The following SLIT3 variants were observed in gnomAD, a reference collection of about 807,000 sequenced individuals.
The protein encoded by SLIT3 is slit homolog 3 protein.
In SLIT3, 68 loss-of-function variants were observed where a neutral mutation model predicts 184.0. The observed-to-expected ratio is 0.37, with a 90% CI of 0.30 to 0.45. SLIT3 has a LOEUF of 0.45. SLIT3 is among the 20% of genes least tolerant of loss of function. The pLI is 1.00. For synonymous variants in SLIT3, 831 were observed against 828.6 expected, an observed-to-expected ratio of 1.00 and a Z score of -0.05; for missense variants, 1,707 against 2,026.0, an observed-to-expected ratio of 0.84 and a Z score of 3.02.
At chr5:169,214,931 C>T (rs146725995) in intron 3 of SLIT3, among the ~76,000 whole-genome samples, 68 of 152,216 alleles carry the variant, frequency 4.5e-4, no homozygotes, top group African/African-American at 1.4e-3. Context: ...ACTGTATGGC[C>T]GTTCCCCTGG....
At chr5:168,802,993 A>G (rs1756823184) in intron 9 of SLIT3, among the ~76,000 whole-genome samples, 1 of 151,092 alleles carries the variant, frequency 6.6e-6, no homozygotes, top group African/African-American at 2.4e-5. Flanking sequence ...TGGGATCCAC[A>G]GTCTATACTC....
At chr5:168,764,375 T>C (rs1755260225) in intron 14 of SLIT3, among the ~76,000 whole-genome samples, 1 of 152,204 alleles carries the variant, frequency 6.6e-6, no homozygotes, top group African/African-American at 2.4e-5. Context: ...ACGAGGAAAC[T>C]GAGGCCCACA....
chr5:168,707,265 C>T (rs1762401128), intron 26 of SLIT3: 1 of 152,300 alleles, frequency 6.6e-6, no homozygotes, highest in Non-Finnish European at 1.5e-5. Flanking sequence ...GGTGTTTGAA[C>T]AGGTGAGTAA....
intron 4 of SLIT3, among the ~76,000 whole-genome samples, chr5:168,927,932 C>T (rs1231077402): frequency 1.3e-5 from 2 of 152,200 alleles, no homozygotes; most frequent in East Asian, 3.8e-4. Context: ...TCTCAGCTGC[C>T]CTAGCAGGAT....
chr5:169,118,945 C>T lies in SLIT3; in HGVS notation c.413+74534G>A, dbSNP rs554707380. Among the ~76,000 whole-genome samples the T allele has an allele frequency of 2.5e-3, 376 of 152,212 alleles. 1 individual carries two copies. The highest frequency in any genetic ancestry group is 8.7e-3 in the African/African-American group (362 of 41,546). On this transcript the variant is annotated intron_variant, in intron 4 of 35. Transcript: ENST00000519560. ...TCATTTTATAAACTACCATTTATGACCACTTATTGTGTGCCAGACACTATG... is the reference window on the plus strand; with the variant it reads ...TCATTTTATAAACTACCATTTATGATCACTTATTGTGTGCCAGACACTATG...
At chr5:168,825,036 T>A (rs1346871981) in intron 6 of SLIT3, among the ~76,000 whole-genome samples, 1 of 152,200 alleles carries the variant, frequency 6.6e-6, no homozygotes, top group Non-Finnish European at 1.5e-5. Context: ...CCGAATTGTG[T>A]GGCCTTGGGC....
intron 23 of SLIT3, among the ~76,000 whole-genome samples, chr5:168,715,251 T>A (rs1278415185): frequency 6.6e-6 from 1 of 152,270 alleles, no homozygotes; most frequent in Non-Finnish European, 1.5e-5. Context: ...TATTTTCATC[T>A]CTAAAATGGA....
intron 4 of SLIT3, among the ~76,000 whole-genome samples, chr5:168,948,544 A>C (rs1236060915): frequency 6.6e-6 from 1 of 152,144 alleles, no homozygotes; most frequent in Non-Finnish European, 1.5e-5. Flanking sequence ...TAAGTTGTGG[A>C]ATTTTCCCTT....
At chr5:168,716,190 T>C (rs1580996966) in intron 23 of SLIT3, among the ~76,000 whole-genome samples, 1 of 152,154 alleles carries the variant, frequency 6.6e-6, no homozygotes, top group East Asian at 1.9e-4. Context: ...TTGGCCAGGA[T>C]AGTCTCGATC....
chr5:168,996,055 A>G (rs1286977165), intron 4 of SLIT3, among the ~76,000 whole-genome samples: 1 of 152,194 alleles, frequency 6.6e-6, no homozygotes, highest in Admixed American at 6.5e-5. Flanking sequence ...GATATCCACC[A>G]TAGCACTTAG....
chr5:169,214,590 G>A (rs1317901440), intron 3 of SLIT3, among the ~76,000 whole-genome samples: 3 of 152,294 alleles, frequency 2.0e-5, no homozygotes, highest in Middle Eastern at 3.4e-3. Flanking sequence ...TGGTGGAAGT[G>A]GGTGGAGTTC....
At chr5:169,021,765 C>A (rs938911234) in intron 4 of SLIT3, among the ~76,000 whole-genome samples, 18 of 152,174 alleles carry the variant, frequency 1.2e-4, no homozygotes, top group Non-Finnish European at 2.1e-4. Context: ...GACCAATTGT[C>A]CCAGGATAGC....
intron 4 of SLIT3, among the ~76,000 whole-genome samples, chr5:169,127,092 C>T (rs1261747233): frequency 6.6e-6 from 1 of 152,164 alleles, no homozygotes; most frequent in Non-Finnish European, 1.5e-5. Flanking sequence ...CTTCTTCCAT[C>T]CCTACAAGGA....
At chr5:168,897,646 G>GCACACA in intron 4 of SLIT3, among the ~76,000 whole-genome samples, 39,337 of 105,090 alleles carry the variant, frequency 0.37, 6,398 homozygotes, top group South Asian at 0.51. Flanking sequence ...ACAGGTGCAC[G>GCACACA]TACACACACA....
At chr5:168,867,235 C>A (rs150737057) in intron 5 of SLIT3, among the ~76,000 whole-genome samples, 1 of 152,246 alleles carries the variant, frequency 6.6e-6, no homozygotes, top group African/African-American at 2.4e-5. Flanking sequence ...ATTACTTTAC[C>A]ATTATGACTT....
chr5:169,053,314 T>C (rs567526782), intron 4 of SLIT3, among the ~76,000 whole-genome samples: 3 of 152,336 alleles, frequency 2.0e-5, no homozygotes, highest in South Asian at 4.1e-4. Context: ...TTTTAAGACA[T>C]GAATTGAGTT....
intron 12 of SLIT3, among the ~76,000 whole-genome samples, chr5:168,777,089 ACACACACACACACACACC>A (rs1209861960): frequency 2.9e-4 from 22 of 75,986 alleles, no homozygotes; most frequent in African/African-American, 9.1e-4. Flanking sequence ...ACACACACAC[ACACACACACACACACACC>A]CCCCATACCA....
chr5:169,287,662 G>C (rs1355912026), intron 1 of SLIT3, among the ~76,000 whole-genome samples: 3 of 152,286 alleles, frequency 2.0e-5, no homozygotes, highest in South Asian at 2.1e-4. Context: ...CAACAAGAGG[G>C]GGAGGAACAG....
rs889541423 is a variant in SLIT3 at position 168,662,310 on chromosome 5, A to T, written c.*4144T>A. On this transcript the variant is annotated 3_prime_UTR_variant, in exon 36 of 36. Transcript: ENST00000519560. ...TCTGAGGGGCAGGTCACTTGTTGCTATGGGCTTCTGCTCCCAGCAAAGGCA... is the reference window on the plus strand; with the variant it reads ...TCTGAGGGGCAGGTCACTTGTTGCTTTGGGCTTCTGCTCCCAGCAAAGGCA... 6.6e-6 allele frequency: 1 copy of T among 152,154 alleles called. No homozygotes were observed. Among genetic ancestry groups the T allele is most frequent in the Non-Finnish European group, 1.5e-5 (1 of 68,056 alleles). The allele number at this position is 152,154 out of a possible 1,614,324, so 9.4% of individuals were successfully genotyped here. A position where few individuals can be genotyped will look rare whatever the true frequency, so the allele number is the denominator to read the frequency against.
Sources: gnomAD v4.1 joint callset for allele counts (sites outside exome capture counted in the v4.1 genomes callset) on GRCh38, gnomAD v4.1.1 for gene constraint, MANE v1.5 for transcripts, NCBI Gene and HGNC (gene_info 2026-07-23, HGNC 2026-07-21) for gene names.